Variants in PCDH9 observed in about 807,000 individuals in gnomAD.
PCDH9 encodes protocadherin 9, also known as protocadherin-9.
PCDH9 carries 24 observed loss-of-function variants against 70.6 expected under a neutral mutation model. The observed-to-expected ratio is 0.34, with a 90% confidence interval of 0.25 to 0.48. The LOEUF (loss-of-function observed/expected upper bound fraction) is 0.48, where lower values mean the gene tolerates loss of function less well. Among genes scored for constraint, PCDH9 ranks in the 20% least tolerant of loss-of-function variants. The pLI is 0.99. For synonymous variants in PCDH9, 562 were observed against 558.5 expected (o/e 1.01, Z -0.09); for missense variants, 1,281 against 1,503.6 (o/e 0.85, Z 2.45).
At chr13:67,001,967 C>A (rs2084254372) in intron 2 of PCDH9, 1 of 152,158 alleles carries the variant, frequency 6.6e-6, no homozygotes, top group Non-Finnish European at 1.5e-5. Context: ...TATTGAATCA[C>A]TTCTTAAATA....
chr13:67,130,743 C>T (rs1282209706), intron 2 of PCDH9, among the ~76,000 whole-genome samples: 1 of 152,096 alleles, frequency 6.6e-6, no homozygotes, highest in South Asian at 2.1e-4. Context: ...TATCAATATC[C>T]TGCCAGGCAG....
At chr13:66,571,628 T>C (rs1040084958) in intron 4 of PCDH9, among the ~76,000 whole-genome samples, 1 of 152,066 alleles carries the variant, frequency 6.6e-6, no homozygotes, top group African/African-American at 2.4e-5. Flanking sequence ...GTTCAACGGC[T>C]AAAAGACTGT....
At chr13:66,455,732 T>C (rs1032791362) in intron 4 of PCDH9, among the ~76,000 whole-genome samples, 7 of 152,160 alleles carry the variant, frequency 4.6e-5, no homozygotes, top group Non-Finnish European at 8.8e-5. Flanking sequence ...TCTTTTGATA[T>C]TGTTTTACTA....
chr13:66,561,557 G>C (rs1164807442), intron 4 of PCDH9, among the ~76,000 whole-genome samples: 1 of 152,182 alleles, frequency 6.6e-6, no homozygotes, highest in African/African-American at 2.4e-5. Flanking sequence ...TCGGCACTCT[G>C]TATCTAGCTC....
chr13:66,987,609 T>A (rs192779414), intron 2 of PCDH9, among the ~76,000 whole-genome samples: 12 of 152,078 alleles, frequency 7.9e-5, no homozygotes, highest in Admixed American at 6.6e-4. Flanking sequence ...AACTAAGTCA[T>A]TGTTAGGTAG....
At chr13:66,757,560 A>G (rs1054087445) in intron 3 of PCDH9, among the ~76,000 whole-genome samples, 1 of 152,090 alleles carries the variant, frequency 6.6e-6, no homozygotes, top group Non-Finnish European at 1.5e-5. Context: ...TGTAAATGGT[A>G]AAAAACAGAC....
chr13:66,805,739 A>G (rs2080399513), intron 3 of PCDH9, among the ~76,000 whole-genome samples: 1 of 152,186 alleles, frequency 6.6e-6, no homozygotes, highest in African/African-American at 2.4e-5. Context: ...TCAAGATGAT[A>G]CTATTTCTTT....
chr13:66,637,920 A>G (rs978813328), intron 3 of PCDH9, among the ~76,000 whole-genome samples: 3 of 152,148 alleles, frequency 2.0e-5, no homozygotes, highest in Non-Finnish European at 4.4e-5. Context: ...TCTCAAAAAA[A>G]AAAAAAAGAA....
At chr13:67,209,775 T>C (rs2089432009) in intron 2 of PCDH9, 1 of 152,082 alleles carries the variant, frequency 6.6e-6, no homozygotes, top group African/African-American at 2.4e-5. Flanking sequence ...CACCGGTTTT[T>C]TTTAACATTA....
intron 4 of PCDH9, among the ~76,000 whole-genome samples, chr13:66,443,877 T>G (rs1399598994): frequency 6.6e-6 from 1 of 152,184 alleles, no homozygotes; most frequent in East Asian, 1.9e-4. Context: ...TTCAATATTA[T>G]TATCTGATTT....
At chr13:66,451,768 T>G (rs911246342) in intron 4 of PCDH9, among the ~76,000 whole-genome samples, 1 of 152,206 alleles carries the variant, frequency 6.6e-6, no homozygotes, top group Non-Finnish European at 1.5e-5. Context: ...AAAGATCTAA[T>G]GTATACTATT....
chr13:66,473,383 G>A (rs1958656814), intron 4 of PCDH9, among the ~76,000 whole-genome samples: 1 of 150,676 alleles, frequency 6.6e-6, no homozygotes, highest in East Asian at 2.0e-4. Flanking sequence ...AAAGCTATAT[G>A]TTTTTTTTTC....
At chr13:66,702,027 G>T (rs923217915) in intron 3 of PCDH9, among the ~76,000 whole-genome samples, 1 of 152,064 alleles carries the variant, frequency 6.6e-6, no homozygotes, top group Non-Finnish European at 1.5e-5. Context: ...TCGGAAAGCT[G>T]AGCTGCCCAG....
intron 3 of PCDH9, among the ~76,000 whole-genome samples, chr13:66,871,842 C>T (rs1026147044): frequency 1.3e-5 from 2 of 152,138 alleles, no homozygotes; most frequent in Middle Eastern, 3.4e-3. Context: ...CCCCCCTCAA[C>T]ATTTCTTATT....
At chr13:66,397,478 G>GTATATA (rs142645344) in intron 4 of PCDH9, among the ~76,000 whole-genome samples, 1 of 147,734 alleles carries the variant, frequency 6.8e-6, no homozygotes, top group South Asian at 2.1e-4. Context: ...GTGTGTGTGT[G>GTATATA]TATATATATA....
rs569039541 is a variant in PCDH9 at position 67,115,165 on chromosome 13, A to C, written c.3036+110240T>G. Among the ~76,000 whole-genome samples, 4 of 152,366 alleles carry C rather than the reference A, an allele frequency of 2.6e-5. No homozygotes were observed. The South Asian group carries it at 8.3e-4, about 32-fold the overall frequency. On this transcript the variant is annotated intron_variant, in intron 2 of 4. Transcript: ENST00000377865. ...TAACTATAGGTAAATGATATTCTGTAATCATAAGTCCATATGTTGTTTTGG... is the reference window on the plus strand; with the variant it reads ...TAACTATAGGTAAATGATATTCTGTCATCATAAGTCCATATGTTGTTTTGG...
intron 3 of PCDH9, among the ~76,000 whole-genome samples, chr13:66,895,968 C>T (rs2082172155): frequency 6.6e-6 from 1 of 152,144 alleles, no homozygotes; most frequent in Non-Finnish European, 1.5e-5. Context: ...ATGCCTGTGG[C>T]ACACGGAGTG....
At chr13:67,078,232 C>A (rs115578787) in intron 2 of PCDH9, among the ~76,000 whole-genome samples, 2 of 152,120 alleles carry the variant, frequency 1.3e-5, no homozygotes, top group Non-Finnish European at 2.9e-5. Context: ...CCAAGGAATT[C>A]GTGCTGGTAC....
At chr13:66,657,549 T>G (rs955144498) in intron 3 of PCDH9, among the ~76,000 whole-genome samples, 1 of 152,216 alleles carries the variant, frequency 6.6e-6, no homozygotes, top group Non-Finnish European at 1.5e-5. Flanking sequence ...AATGTGACTT[T>G]AAACAAAAAT....
Sources: gnomAD v4.1 joint callset for allele counts (sites outside exome capture counted in the v4.1 genomes callset) on GRCh38, gnomAD v4.1.1 for gene constraint, MANE v1.5 for transcripts, NCBI Gene and HGNC (gene_info 2026-07-23, HGNC 2026-07-21) for gene names.